The following SHTN1 variants were observed in gnomAD, a reference collection of about 807,000 sequenced individuals.
SHTN1 encodes the protein shootin-1.
In SHTN1, 42 loss-of-function variants were observed where a neutral mutation model predicts 83.1. That is an observed-to-expected ratio of 0.51 (90% CI 0.39 to 0.65). SHTN1 has a LOEUF of 0.65. Ranked by LOEUF, SHTN1 falls within the 30% of genes least tolerant of loss-of-function variation. SHTN1 has a pLI of 0.00. For synonymous variants in SHTN1, 224 were observed against 247.7 expected (o/e 0.90, Z 0.90); for missense variants, 622 against 737.8 (o/e 0.84, Z 1.82).
intron 2 of SHTN1, among the ~76,000 whole-genome samples, chr10:117,032,158 G>A (rs771388323): frequency 6.6e-5 from 10 of 152,084 alleles, no homozygotes; most frequent in South Asian, 6.2e-4. Flanking sequence ...AGACAAAGAC[G>A]GTCACTATAT....
intron 2 of SHTN1, among the ~76,000 whole-genome samples, chr10:117,035,934 C>T (rs1341910059): frequency 1.3e-5 from 1 of 76,534 alleles, no homozygotes; most frequent in Non-Finnish European, 2.5e-5. Context: ...GGAACAAGAG[C>T]GAAACTCCAT....
At chr10:117,073,723 G>A in intron 1 of SHTN1, among the ~76,000 whole-genome samples, 1 of 152,200 alleles carries the variant, frequency 6.6e-6, no homozygotes, top group African/African-American at 2.4e-5. Flanking sequence ...CTGGCTGGAA[G>A]ACAACTCAGT....
chr10:117,029,792 C>T (rs1213309132), intron 2 of SHTN1, among the ~76,000 whole-genome samples: 1 of 152,088 alleles, frequency 6.6e-6, no homozygotes, highest in South Asian at 2.1e-4. Flanking sequence ...CAGCATCATG[C>T]TTCCTGTATA....
chr10:116,960,525 A>G (rs1016288794), intron 3 of SHTN1, among the ~76,000 whole-genome samples: 5 of 152,344 alleles, frequency 3.3e-5, no homozygotes, highest in East Asian at 1.9e-4. Context: ...ATGCAACTAT[A>G]TATGTATCCA....
chr10:116,986,746 CAG>C (rs1851233488), intron 1 of SHTN1, among the ~76,000 whole-genome samples: 3 of 107,144 alleles, frequency 2.8e-5, no homozygotes, highest in African/African-American at 1.2e-4. Context: ...TTTTTTGAGA[CAG>C]AGTGTCGCTC....
chr10:116,897,733 C>T (rs1004260557), intron 16 of SHTN1, among the ~76,000 whole-genome samples: 84 of 152,284 alleles, frequency 5.5e-4, no homozygotes, highest in Non-Finnish European at 1.1e-3. Context: ...TTATAGATTA[C>T]ATAACTTTCC....
At chr10:116,960,949 G>A (rs1477900706) in intron 3 of SHTN1, among the ~76,000 whole-genome samples, 1 of 151,984 alleles carries the variant, frequency 6.6e-6, no homozygotes, top group African/African-American at 2.4e-5. Context: ...TTTGACAGCT[G>A]GTGCATGTAA....
At chr10:117,098,519 G>A (rs540766090) in intron 1 of SHTN1, among the ~76,000 whole-genome samples, 1 of 151,802 alleles carries the variant, frequency 6.6e-6, no homozygotes, top group East Asian at 1.9e-4. Context: ...AATCCTCAAA[G>A]TGACGGCAGC....
chr10:116,943,540 T>C (rs1218166773), intron 8 of SHTN1, among the ~76,000 whole-genome samples: 1 of 152,230 alleles, frequency 6.6e-6, no homozygotes, highest in Non-Finnish European at 1.5e-5. Flanking sequence ...CACACTTCAA[T>C]TCTTTTTTCT....
At chr10:116,985,262 G>A (rs1289691737) in intron 1 of SHTN1, among the ~76,000 whole-genome samples, 2 of 152,166 alleles carry the variant, frequency 1.3e-5, no homozygotes, top group African/African-American at 4.8e-5. Context: ...AATCTGTGAG[G>A]CAAAACAATC....
chr10:117,069,096 T>A lies in SHTN1; in HGVS notation c.-188-20586A>T, dbSNP rs560067253. Among the ~76,000 whole-genome samples the A allele has an allele frequency of 1.5e-4, 23 of 152,166 alleles. No homozygotes were observed. In the East Asian group the frequency reaches 1.9e-3, roughly 13 times the overall value. On this transcript the variant is annotated intron_variant, in intron 1 of 17. Transcript: ENST00000392901. Reference sequence around the variant, plus strand: ...GGAACAGGAGTCACTGAAAAGACCATGAAAACTCTGCTGCAAAAGTAGGAG... The same window carrying A: ...GGAACAGGAGTCACTGAAAAGACCAAGAAAACTCTGCTGCAAAAGTAGGAG...
intron 1 of SHTN1, among the ~76,000 whole-genome samples, chr10:117,082,803 T>C (rs1289984871): frequency 6.6e-6 from 1 of 151,932 alleles, no homozygotes; most frequent in Non-Finnish European, 1.5e-5. Flanking sequence ...GCCTTCTTTG[T>C]CTCTTTTGAT....
rs778394525 is a variant in SHTN1 at position 117,005,028 on chromosome 10, C to T, written c.52G>A (p.Glu18Lys). Reference protein sequence around the residue: ...KQLQLITSLKEQAIGEYEDLR... With the variant: ...KQLQLITSLKKQAIGEYEDLR... The stretch of plus-strand genomic sequence containing the variant: ...GCGCCCGCGTGCTGCCTACCTTGCT[C>T]CTTCAGACTGGTAATGAGCTGCAGC... The change falls in exon 1 of 17, where the codon GAG becomes AAG. Residue 18 changes from glutamate to lysine, a missense_variant. Glu to Lys is a moderately conservative substitution (Grantham distance 56, BLOSUM62 1). Around this residue, in one of 3 missense-constraint regions of SHTN1, gnomAD observed 383 missense variants for 455.8 expected, o/e 0.84. Coordinates refer to ENST00000355371, the MANE Select transcript of SHTN1 (RefSeq NM_001127211.3). The T allele has an allele frequency of 6.3e-6, 10 of 1,596,632 alleles. No homozygotes were observed. Among genetic ancestry groups the T allele is most frequent in the Non-Finnish European group, 8.5e-6 (10 of 1,172,154 alleles).
intron 13 of SHTN1, among the ~76,000 whole-genome samples, chr10:116,914,726 G>A (rs777353409): frequency 1.3e-5 from 2 of 152,180 alleles, no homozygotes; most frequent in Non-Finnish European, 2.9e-5. Context: ...TTATTTAAAT[G>A]TAGTGGATAT....
At chr10:116,893,792 AGTTT>A (rs961957791) in intron 16 of SHTN1, among the ~76,000 whole-genome samples, 41 of 152,326 alleles carry the variant, frequency 2.7e-4, no homozygotes, top group African/African-American at 9.6e-4. Context: ...TGAGATAATT[AGTTT>A]GAGAGAATAA....
At chr10:116,901,996 TATG>T (rs1340661318) in intron 15 of SHTN1, 39 bp from the exon 16 acceptor site, 1 of 1,504,634 alleles carries the variant, frequency 6.6e-7, no homozygotes, top group Non-Finnish European at 9.0e-7. Flanking sequence ...AATAATTCTG[TATG>T]ATGCTTATTA....
rs114974622 is a variant in SHTN1 at position 116,885,351 on chromosome 10, A to G, written c.*993T>C. 13 of 152,754 alleles carry G rather than the reference A, an allele frequency of 8.5e-5. No homozygotes were observed. Among genetic ancestry groups the G allele is most frequent in the South Asian group, 4.1e-4 (2 of 4,824 alleles). 9.5% of individuals were successfully genotyped at this position (152,754 alleles called of 1,614,324 possible). On this transcript the variant is annotated 3_prime_UTR_variant, in exon 17 of 17. Coordinates refer to ENST00000355371, the MANE Select transcript of SHTN1 (RefSeq NM_001127211.3). ...GAAACAATCAACTTTGAAAAGCTGC[A>G]TAAGTTTTTTTTTTAATCCCTGATT...
chr10:117,082,821 G>A (rs1245053731), intron 1 of SHTN1, among the ~76,000 whole-genome samples: 7 of 151,060 alleles, frequency 4.6e-5, no homozygotes, highest in Non-Finnish European at 1.0e-4. Context: ...GATCTTTGTT[G>A]GTTTAAAGTC....
intron 1 of SHTN1, among the ~76,000 whole-genome samples, chr10:117,004,359 C>T (rs1392652569): frequency 5.9e-5 from 9 of 151,916 alleles, no homozygotes. Flanking sequence ...AAGGATAATC[C>T]CCAGTTACCA....
Sources: gnomAD v4.1 joint callset for allele counts (sites outside exome capture counted in the v4.1 genomes callset) on GRCh38, gnomAD v4.1.1 for gene constraint, gnomAD v4.1.1 regional missense constraint, MANE v1.5 for transcripts, NCBI Gene and HGNC (gene_info 2026-07-23, HGNC 2026-07-21) for gene names.